Variants in PRICKLE1 observed in about 807,000 individuals in gnomAD.
The protein encoded by PRICKLE1 is prickle-like protein 1.
A neutral mutation model predicts 70.2 loss-of-function variants in PRICKLE1; 14 were observed. The observed-to-expected ratio is 0.20, with a 90% CI of 0.13 to 0.31. The LOEUF (loss-of-function observed/expected upper bound fraction) is 0.31, where lower values mean the gene tolerates loss of function less well. Ranked by LOEUF, PRICKLE1 falls within the 10% of genes least tolerant of loss-of-function variation. The pLI is 1.00. For missense variants in PRICKLE1, 821 were observed against 1,026.2 expected (o/e 0.80, Z 2.73); for synonymous variants, 357 against 379.9 (o/e 0.94, Z 0.70).
At chr12:42,520,711 C>G (rs566207940) in intron 1 of PRICKLE1, among the ~76,000 whole-genome samples, 37 of 152,296 alleles carry the variant, frequency 2.4e-4, no homozygotes, top group African/African-American at 8.7e-4. Flanking sequence ...GGCAGGGCGT[C>G]AAACTGTTGA....
At position 42,515,430 on chromosome 12, in the gene PRICKLE1, G is replaced by A. The variant is rs139736709; in HGVS notation, c.-48-42866C>T. On this transcript the variant is annotated intron_variant, in intron 1 of 7. Coordinates refer to ENST00000345127, the MANE Select transcript of PRICKLE1 (RefSeq NM_153026.3). ...AATTTTTGTATTTAGTAGAGACGGA[G>A]TTTCACCAAGTTGGCCAGGCTGGTC... Among the ~76,000 whole-genome samples the A allele has an allele frequency of 8.2e-3, 1,255 of 152,146 alleles. 9 individuals are homozygous for A. Among genetic ancestry groups the A allele is most frequent in the Middle Eastern group, 0.058 (17 of 294 alleles).
In PRICKLE1 at chr12:42,491,501, C is replaced by T. The variant is rs551875687; in HGVS notation, c.-48-18937G>A. Among the ~76,000 whole-genome samples, 62 of 151,614 alleles carry T rather than the reference C, an allele frequency of 4.1e-4. No homozygotes were observed. In the South Asian group the frequency reaches 7.8e-3, roughly 19 times the overall value. On this transcript the variant is annotated intron_variant, in intron 1 of 7. Transcript: ENST00000345127. ...CTGGGAGGTGGAGGTTGCAGTGAGC[C>T]GAGATCACATCATTGCACTCTAGCC...
intron 1 of PRICKLE1, among the ~76,000 whole-genome samples, chr12:42,516,074 C>T (rs1035337359): frequency 7.9e-5 from 12 of 152,048 alleles, no homozygotes; most frequent in African/African-American, 2.9e-4. Context: ...TTTTTACTTT[C>T]TAGGCAATTT....
intron 1 of PRICKLE1, among the ~76,000 whole-genome samples, chr12:42,526,840 CGAT>C (rs1420362791): frequency 6.6e-6 from 1 of 151,146 alleles, no homozygotes; most frequent in Non-Finnish European, 1.5e-5. Flanking sequence ...ATGATGACGA[CGAT>C]GATGATGATG....
chr12:42,573,621 G>A (rs1422921490), intron 1 of PRICKLE1, among the ~76,000 whole-genome samples: 1 of 152,030 alleles, frequency 6.6e-6, no homozygotes, highest in African/African-American at 2.4e-5. Context: ...CCAGGCTGGA[G>A]TGCAGTGGCA....
Position 42,459,698 on chromosome 12 carries a change from G to A in PRICKLE1, c.*111C>T. The A allele has an allele frequency of 7.9e-7, 1 of 1,262,244 alleles. No homozygotes were observed. Among genetic ancestry groups the A allele is most frequent in the Non-Finnish European group, 1.1e-6 (1 of 873,978 alleles). 78.2% of individuals were successfully genotyped at this position (1,262,244 alleles called of 1,614,324 possible). A position where few individuals can be genotyped will look rare whatever the true frequency, so the allele number is the denominator to read the frequency against. On this transcript the variant is annotated 3_prime_UTR_variant, in exon 8 of 8. Coordinates refer to ENST00000345127, the MANE Select transcript of PRICKLE1 (RefSeq NM_153026.3). ...ACAGCAGTTGAGTTCTCATTTACAT[G>A]GGCAAAGAAAGCACTTTAAACTATT...
intron 1 of PRICKLE1, among the ~76,000 whole-genome samples, chr12:42,526,753 C>CAAAAAA (rs55654226): frequency 7.3e-6 from 1 of 137,872 alleles, no homozygotes. Flanking sequence ...TCCTCTAAGC[C>CAAAAAA]AAAAAAAAAA....
intron 7 of PRICKLE1, chr12:42,463,803 T>C (rs1020623308): frequency 4.8e-5 from 8 of 165,556 alleles, no homozygotes; most frequent in African/African-American, 1.7e-4. Context: ...GTACAATATC[T>C]TTCAGACACA....
intron 1 of PRICKLE1, among the ~76,000 whole-genome samples, chr12:42,523,259 G>A (rs7965948): frequency 0.34 from 51,967 of 151,890 alleles, 10,335 homozygotes; most frequent in East Asian, 0.51. Flanking sequence ...AAGCCACCGC[G>A]TCCAGCCAAT....
In PRICKLE1 at chr12:42,459,666, A is replaced by T; in HGVS notation, c.*143T>A. 1 of 939,660 alleles carries T rather than the reference A, an allele frequency of 1.1e-6. No individual in the cohort carries two copies. The highest frequency in any genetic ancestry group is 1.7e-6 in the Non-Finnish European group (1 of 598,038). 58.2% of individuals were successfully genotyped at this position (939,660 alleles called of 1,614,324 possible). On this transcript the variant is annotated 3_prime_UTR_variant, in exon 8 of 8. Transcript: ENST00000345127. ...CACACCTTTCAAATGTTAATCTGAC[A>T]CTGTAAACAGCAGTTGAGTTCTCAT... is the stretch of plus-strand genomic sequence containing the variant.
intron 1 of PRICKLE1, among the ~76,000 whole-genome samples, chr12:42,546,599 C>T (rs1940217800): frequency 6.6e-6 from 1 of 151,976 alleles, no homozygotes; most frequent in Non-Finnish European, 1.5e-5. Context: ...ACTAAAAATA[C>T]AAAAATTAGC....
chr12:42,589,080 G>C lies in PRICKLE1; in HGVS notation c.-49+385C>G, dbSNP rs953639758. On this transcript the variant is annotated intron_variant, in intron 1 of 7. Coordinates refer to ENST00000345127, the MANE Select transcript of PRICKLE1 (RefSeq NM_153026.3). This position sits in a 1 kb window ranked among gnomAD's most constrained non-coding sequence, Gnocchi z 5.0. ...TCCCTCCGGACGCCAGTAGGTGACA[G>C]GCGATCCTAAGCGGCGGGAACACGC... 2.6e-5 allele frequency: 4 copies of C among 152,246 alleles called. No individual in the cohort carries two copies. Among genetic ancestry groups the C allele is most frequent in the Non-Finnish European group, 4.4e-5 (3 of 68,086 alleles). 9.4% of individuals were successfully genotyped at this position (152,246 alleles called of 1,614,324 possible). A position where few individuals can be genotyped will look rare whatever the true frequency, so the allele number is the denominator to read the frequency against.
In PRICKLE1 at chr12:42,555,745, T is replaced by TA. The variant is rs1940403488; in HGVS notation, c.-49+33719dup. Among the ~76,000 whole-genome samples, 5 of 152,268 alleles carry TA rather than the reference T, an allele frequency of 3.3e-5. No homozygotes were observed. In the South Asian group the frequency reaches 8.3e-4, roughly 25 times the overall value. ...TTTTAACAATTAATAAAGGTAACAG[T>TA]AAAAAATAGCTGTTAAAAAAGCATC... is the stretch of plus-strand genomic sequence containing the variant. On this transcript the variant is annotated intron_variant, in intron 1 of 7. Transcript: ENST00000345127.
intron 1 of PRICKLE1, among the ~76,000 whole-genome samples, chr12:42,478,294 G>A (rs964414956): frequency 6.6e-6 from 1 of 152,154 alleles, no homozygotes; most frequent in African/African-American, 2.4e-5. Flanking sequence ...TGTCAACTAT[G>A]CATTAACCAA....
intron 1 of PRICKLE1, chr12:42,482,860 A>T (rs2140156746): frequency 6.6e-6 from 1 of 152,426 alleles, no homozygotes; most frequent in African/African-American, 2.4e-5. Flanking sequence ...GGTCGTCCCC[A>T]TCCCCGCCGC....
chr12:42,527,099 T>C (rs1478122152), intron 1 of PRICKLE1, among the ~76,000 whole-genome samples: 1 of 149,364 alleles, frequency 6.7e-6, no homozygotes, highest in Non-Finnish European at 1.5e-5. Context: ...GGGTACAATT[T>C]AAGAGTGTGC....
intron 1 of PRICKLE1, among the ~76,000 whole-genome samples, chr12:42,478,450 T>C (rs962898547): frequency 2.0e-5 from 3 of 152,176 alleles, no homozygotes; most frequent in Non-Finnish European, 4.4e-5. Flanking sequence ...TTCCAAATAG[T>C]CTGACCATTA....
At position 42,459,152 on chromosome 12, in the gene PRICKLE1, C is replaced by T. The variant is rs1937691211; in HGVS notation, c.*657G>A. On this transcript the variant is annotated 3_prime_UTR_variant, in exon 8 of 8. Coordinates refer to ENST00000345127, the MANE Select transcript of PRICKLE1 (RefSeq NM_153026.3). ...CAATTCAGGGATATAAAAATATCAG[C>T]TTTAAAATCTGAACTGTACAGTATA... 7.3e-6 allele frequency: 4 copies of T among 549,136 alleles called. No individual in the cohort carries two copies. The South Asian group carries it at 1.1e-4, about 15-fold the overall frequency. The allele number at this position is 549,136 out of a possible 1,614,324, so 34.0% of individuals were successfully genotyped here.
intron 1 of PRICKLE1, among the ~76,000 whole-genome samples, chr12:42,524,395 G>A (rs117578217): frequency 0.023 from 3,542 of 152,158 alleles, 172 homozygotes; most frequent in Admixed American, 0.13. Context: ...AAAAATTGTT[G>A]GTAATAATCA....
Sources: gnomAD v4.1 joint callset for allele counts (sites outside exome capture counted in the v4.1 genomes callset) on GRCh38, gnomAD v4.1.1 for gene constraint, Gnocchi (gnomAD v3.1) non-coding constraint, MANE v1.5 for transcripts, NCBI Gene and HGNC (gene_info 2026-07-23, HGNC 2026-07-21) for gene names.